SAMD4A: variants seen among roughly 807,000 people sequenced by gnomAD.
SAMD4A encodes protein Smaug homolog 1.
In SAMD4A, 33 loss-of-function variants were observed where a neutral mutation model predicts 81.3. That is an observed-to-expected ratio of 0.41 (90% CI 0.31 to 0.54). The LOEUF (loss-of-function observed/expected upper bound fraction) is 0.54. SAMD4A is among the 20% of genes least tolerant of loss of function. SAMD4A has a pLI of 0.37. For synonymous variants in SAMD4A, 389 were observed against 382.1 expected (o/e 1.02, Z -0.21); for missense variants, 854 against 951.1 (o/e 0.90, Z 1.34).
At chr14:54,639,606 G>A (rs192947541) in intron 2 of SAMD4A, among the ~76,000 whole-genome samples, 135 of 152,238 alleles carry the variant, frequency 8.9e-4, no homozygotes, top group East Asian at 4.6e-3. Flanking sequence ...GCCTCCCTTC[G>A]GAATCTGTCA....
At chr14:54,705,405 A>G (rs1005373044) in intron 3 of SAMD4A, among the ~76,000 whole-genome samples, 1 of 152,180 alleles carries the variant, frequency 6.6e-6, no homozygotes, top group Non-Finnish European at 1.5e-5. Context: ...GGCTTCTTCT[A>G]CTGCACTGAA....
chr14:54,771,220 C>T (rs899866882), intron 9 of SAMD4A, among the ~76,000 whole-genome samples: 11 of 152,116 alleles, frequency 7.2e-5, no homozygotes, highest in Non-Finnish European at 1.2e-4. Context: ...GCATATATAA[C>T]GGTTATTTAT....
chr14:54,688,273 A>G, intron 2 of SAMD4A: 3 of 985,374 alleles, frequency 3.0e-6, no homozygotes, highest in Non-Finnish European at 3.6e-6. Flanking sequence ...AACTTCACCA[A>G]ACGGTTCTCC....
At chr14:54,593,519 G>A (rs2033836152) in intron 2 of SAMD4A, among the ~76,000 whole-genome samples, 1 of 152,110 alleles carries the variant, frequency 6.6e-6, no homozygotes, top group Admixed American at 6.5e-5. Flanking sequence ...TACTTTCTAG[G>A]TGATTTAGGG....
intron 2 of SAMD4A, chr14:54,693,292 A>C (rs910646016): frequency 4.6e-5 from 7 of 152,060 alleles, no homozygotes; most frequent in Non-Finnish European, 1.0e-4. Context: ...GGTACCTACT[A>C]TTGTTTATAG....
intron 2 of SAMD4A, among the ~76,000 whole-genome samples, chr14:54,648,721 G>A (rs1016774343): frequency 1.1e-4 from 16 of 152,256 alleles, no homozygotes; most frequent in East Asian, 3.9e-4. Flanking sequence ...TGTGTGGGTC[G>A]TGTAAAACTT....
intron 3 of SAMD4A, among the ~76,000 whole-genome samples, chr14:54,709,278 AAAAC>A (rs200245981): frequency 0.068 from 10,093 of 148,782 alleles, 497 homozygotes; most frequent in East Asian, 0.17. Context: ...CTCTGTCTCA[AAAAC>A]AAACAAACAA....
chr14:54,648,635 TG>T (rs2035336584), intron 2 of SAMD4A, among the ~76,000 whole-genome samples: 1 of 152,082 alleles, frequency 6.6e-6, no homozygotes, highest in Non-Finnish European at 1.5e-5. Flanking sequence ...GTGACTGGAA[TG>T]GATTGAACAA....
At chr14:54,745,350 A>T (rs1033083591) in intron 4 of SAMD4A, among the ~76,000 whole-genome samples, 3 of 152,066 alleles carry the variant, frequency 2.0e-5, no homozygotes, top group Admixed American at 6.5e-5. Context: ...TGTCTGCTCT[A>T]CCCTGAATGC....
At chr14:54,714,828 T>A (rs530649619) in intron 3 of SAMD4A, among the ~76,000 whole-genome samples, 1 of 152,286 alleles carries the variant, frequency 6.6e-6, no homozygotes, top group East Asian at 1.9e-4. Flanking sequence ...GGAAGCCCTA[T>A]GACAAAGCTA....
intron 2 of SAMD4A, among the ~76,000 whole-genome samples, chr14:54,651,215 G>A (rs1169242588): frequency 1.3e-5 from 2 of 152,096 alleles, no homozygotes; most frequent in African/African-American, 4.8e-5. Flanking sequence ...TCTTTTACTC[G>A]ACTCAGAATT....
chr14:54,769,760 T>C (rs1177493090), intron 8 of SAMD4A, among the ~76,000 whole-genome samples: 1 of 152,212 alleles, frequency 6.6e-6, no homozygotes, highest in African/African-American at 2.4e-5. Flanking sequence ...AGCCAGAGTA[T>C]TCAACAATCA....
chr14:54,681,155 G>A (rs557427808), intron 2 of SAMD4A, among the ~76,000 whole-genome samples: 156 of 152,168 alleles, frequency 1.0e-3, no homozygotes, highest in African/African-American at 3.7e-3. Flanking sequence ...CCAGGAGTAA[G>A]GCTGCAGAAA....
intron 2 of SAMD4A, among the ~76,000 whole-genome samples, chr14:54,656,722 G>A (rs1183390558): frequency 6.6e-6 from 1 of 152,118 alleles, no homozygotes; most frequent in East Asian, 1.9e-4. Flanking sequence ...CCATCTCCTG[G>A]GTTTACGCCA....
chr14:54,684,056 TGTG>T (rs1247511053), intron 2 of SAMD4A, among the ~76,000 whole-genome samples: 1 of 152,244 alleles, frequency 6.6e-6, no homozygotes, highest in Non-Finnish European at 1.5e-5. Flanking sequence ...TTAATTTATT[TGTG>T]GTTATTCTAA....
At chr14:54,574,479 G>A (rs374999255) in intron 2 of SAMD4A, among the ~76,000 whole-genome samples, 2 of 152,164 alleles carry the variant, frequency 1.3e-5, no homozygotes, top group Admixed American at 6.5e-5. Flanking sequence ...CATGGAAGGG[G>A]CAGGCTTCCT....
At chr14:54,704,076 T>C (rs80134663) in intron 3 of SAMD4A, among the ~76,000 whole-genome samples, 1 of 152,226 alleles carries the variant, frequency 6.6e-6, no homozygotes, top group South Asian at 2.1e-4. Flanking sequence ...GGGATTTTTT[T>C]AAATTCTTTT....
At chr14:54,700,709 C>G (rs2036692576) in intron 2 of SAMD4A, among the ~76,000 whole-genome samples, 1 of 152,146 alleles carries the variant, frequency 6.6e-6, no homozygotes, top group South Asian at 2.1e-4. Context: ...TCCTCTGGCC[C>G]AGAGCCTGTG....
At chr14:54,783,211 C>T (rs1489215775) in intron 11 of SAMD4A, among the ~76,000 whole-genome samples, 3 of 151,498 alleles carry the variant, frequency 2.0e-5, no homozygotes, top group Non-Finnish European at 4.4e-5. Flanking sequence ...GTCAGAGTTT[C>T]CTTCTACTTC....
Sources: allele counts gnomAD v4.1 joint callset (sites outside exome capture counted in the v4.1 genomes callset), GRCh38; gene constraint gnomAD v4.1.1; transcripts MANE v1.5; gene names NCBI Gene and HGNC (gene_info 2026-07-23, HGNC 2026-07-21).